Variants in CCDC171 observed in about 807,000 individuals in gnomAD.
CCDC171 encodes the protein coiled-coil domain containing 171.
Under a neutral mutation model 168.2 loss-of-function variants are expected in CCDC171, and 177 were observed. The observed-to-expected ratio is 1.05, with a 90% CI of 0.93 to 1.19. The LOEUF is 1.19. CCDC171 is among the 50% of genes most tolerant of loss of function. The probability of loss-of-function intolerance (pLI) is 0.00; values close to 1 mark genes in which losing one functional copy is unlikely to be tolerated. For missense variants in CCDC171, 1,991 were observed against 1,539.0 expected (o/e 1.29, Z -4.91); for synonymous variants, 687 against 540.8 (o/e 1.27, Z -3.75).
intron 24 of CCDC171, among the ~76,000 whole-genome samples, chr9:15,887,186 T>G (rs1385602162): frequency 6.6e-6 from 1 of 152,140 alleles, no homozygotes; most frequent in Non-Finnish European, 1.5e-5. Context: ...TGGTAATAAT[T>G]TCACAAAGTA....
chr9:15,796,983 G>A (rs1237959115), intron 21 of CCDC171, among the ~76,000 whole-genome samples: 1 of 152,146 alleles, frequency 6.6e-6, no homozygotes, highest in East Asian at 1.9e-4. Context: ...TTCAAAATTG[G>A]CTGCATGATT....
intron 3 of CCDC171, among the ~76,000 whole-genome samples, chr9:16,006,264 T>A (rs1832692777): frequency 6.6e-6 from 1 of 152,234 alleles, no homozygotes; most frequent in South Asian, 2.1e-4. Flanking sequence ...CTTGTTATTA[T>A]CTGACAATAA....
intron 14 of CCDC171, among the ~76,000 whole-genome samples, chr9:15,725,210 C>G (rs901573901): frequency 6.6e-5 from 10 of 152,140 alleles, no homozygotes; most frequent in Non-Finnish European, 1.3e-4. Flanking sequence ...GTACAACTAT[C>G]TTTTTGGACT....
chr9:16,035,754 A>G (rs1033639142), intron 7 of CCDC171, among the ~76,000 whole-genome samples: 13 of 152,182 alleles, frequency 8.5e-5, no homozygotes, highest in Non-Finnish European at 5.9e-5. Context: ...AGATTAGAAG[A>G]GGGGATTGAT....
At chr9:15,697,546 C>T (rs917897407) in intron 11 of CCDC171, among the ~76,000 whole-genome samples, 22 of 152,146 alleles carry the variant, frequency 1.4e-4, no homozygotes, top group African/African-American at 4.8e-4. Context: ...TCTGTTTCTG[C>T]TCAGATTGGG....
chr9:16,066,770 G>A, the CCDC171 span, among the ~76,000 whole-genome samples: 105 of 150,692 alleles, frequency 7.0e-4, no homozygotes, highest in African/African-American at 2.4e-3. Context: ...TTTCATCCAT[G>A]TCCCTGCAAA....
At chr9:15,822,492 A>G (rs535327957) in intron 21 of CCDC171, among the ~76,000 whole-genome samples, 13 of 152,336 alleles carry the variant, frequency 8.5e-5, no homozygotes, top group Non-Finnish European at 1.5e-4. Flanking sequence ...TACAAGAAAA[A>G]AAACAAACAC....
intron 3 of CCDC171, among the ~76,000 whole-genome samples, chr9:16,014,512 T>C (rs866282695): frequency 1.3e-5 from 2 of 152,294 alleles, no homozygotes; most frequent in South Asian, 4.2e-4. Context: ...GGTGAATCCT[T>C]TCCAGGATGT....
Position 15,658,834 on chromosome 9 carries a change from C to T in CCDC171, c.915+1615C>T, listed in dbSNP as rs117563908. Reference sequence around the variant, plus strand: ...CAGAAGACCCATTTCAGAATTTTGACCTCCACAACTGTAAGATAATACATT... The same window carrying T: ...CAGAAGACCCATTTCAGAATTTTGATCTCCACAACTGTAAGATAATACATT... On this transcript the variant is annotated intron_variant, in intron 8 of 25. Transcript: ENST00000380701. 2.9e-3 allele frequency among the ~76,000 whole-genome samples: 443 copies of T among 152,268 alleles called. 3 individuals are homozygous for T. Among genetic ancestry groups the T allele is most frequent in the Non-Finnish European group, 5.0e-3 (338 of 68,036 alleles).
intron 25 of CCDC171, among the ~76,000 whole-genome samples, chr9:15,920,764 A>G (rs983994086): frequency 1.3e-5 from 2 of 151,750 alleles, no homozygotes; most frequent in African/African-American, 4.8e-5. Context: ...TTAAGACAGA[A>G]TATTATTAAT....
At chr9:16,076,332 C>T in the CCDC171 span, among the ~76,000 whole-genome samples, 3 of 152,202 alleles carry the variant, frequency 2.0e-5, no homozygotes, top group African/African-American at 4.8e-5. Flanking sequence ...CCCCCTGCGC[C>T]GGGTTGGTTC....
intron 11 of CCDC171, among the ~76,000 whole-genome samples, chr9:15,718,779 C>G (rs369562172): frequency 5.5e-4 from 84 of 152,304 alleles, no homozygotes; most frequent in African/African-American, 1.9e-3. Flanking sequence ...CCCCCTAATG[C>G]AGATATAGCT....
At chr9:16,012,259 T>G (rs1193513801) in intron 3 of CCDC171, among the ~76,000 whole-genome samples, 3 of 152,202 alleles carry the variant, frequency 2.0e-5, no homozygotes. Flanking sequence ...TTTTTTGCTC[T>G]GGAAGATATT....
In CCDC171 at chr9:15,820,559, C is replaced by A. The variant is rs1460550671; in HGVS notation, c.3268-26143C>A. Among the ~76,000 whole-genome samples the A allele has an allele frequency of 1.7e-5, 2 of 117,746 alleles. 1 individual carries two copies. The highest frequency in any genetic ancestry group is 3.8e-5 in the Non-Finnish European group (2 of 52,392). The allele number at this position is 117,746 out of a possible 152,430, so 77.2% of individuals were successfully genotyped here. A position where few individuals can be genotyped will look rare whatever the true frequency, so the allele number is the denominator to read the frequency against. On this transcript the variant is annotated intron_variant, in intron 21 of 25. Transcript: ENST00000380701. The stretch of plus-strand genomic sequence containing the variant: ...CTACCATCAGAGACTGCTATAAACA[C>A]CTCTATGCAAATAAACTAGAAAATC...
chr9:15,939,198 A>T (rs1476741978), intron 25 of CCDC171, among the ~76,000 whole-genome samples: 1 of 151,598 alleles, frequency 6.6e-6, no homozygotes, highest in Non-Finnish European at 1.5e-5. Context: ...ATCCATATAG[A>T]TATAAATATT....
chr9:15,584,757 G>T (rs887926115), intron 4 of CCDC171, among the ~76,000 whole-genome samples: 2 of 152,108 alleles, frequency 1.3e-5, no homozygotes, highest in Admixed American at 6.5e-5. Context: ...CATAATTGGG[G>T]GTATTGTGTT....
chr9:15,810,838 A>T (rs1241568603), intron 21 of CCDC171, among the ~76,000 whole-genome samples: 2 of 152,214 alleles, frequency 1.3e-5, no homozygotes, highest in African/African-American at 4.8e-5. Context: ...GCCGGCCCAG[A>T]GAGGGGCTCC....
intron 9 of CCDC171, among the ~76,000 whole-genome samples, chr9:15,672,270 A>G (rs2049174196): frequency 1.3e-5 from 2 of 152,104 alleles, no homozygotes; most frequent in Admixed American, 1.3e-4. Flanking sequence ...AGATGGATAA[A>G]TTGCAAAAAT....
chr9:15,868,272 A>G (rs1021742308), intron 23 of CCDC171, among the ~76,000 whole-genome samples: 8 of 152,002 alleles, frequency 5.3e-5, no homozygotes, highest in Admixed American at 3.3e-4. Flanking sequence ...ATGAGTTTCT[A>G]TGCTTGCTGC....
Sources: gnomAD v4.1 joint callset for allele counts (sites outside exome capture counted in the v4.1 genomes callset) on GRCh38, gnomAD v4.1.1 for gene constraint, MANE v1.5 for transcripts, NCBI Gene and HGNC (gene_info 2026-07-23, HGNC 2026-07-21) for gene names.